The following ATP2B1 variants were observed in gnomAD, a reference collection of about 807,000 sequenced individuals.
ATP2B1 encodes the protein plasma membrane calcium-transporting ATPase 1.
Under a neutral mutation model 124.2 loss-of-function variants are expected in ATP2B1, and 14 were observed. The ratio of observed to expected loss-of-function variants is 0.11; its 90% CI spans 0.07 to 0.18. The LOEUF is 0.18. ATP2B1 is among the 10% of genes least tolerant of loss of function. The pLI is 1.00. For missense variants in ATP2B1, 763 were observed against 1,466.1 expected (o/e 0.52, Z 7.83); for synonymous variants, 449 against 492.4 (o/e 0.91, Z 1.17).
chr12:89,707,121 AAGC>A (rs1400574893), intron 1 of ATP2B1, among the ~76,000 whole-genome samples: 4 of 152,164 alleles, frequency 2.6e-5, no homozygotes, highest in East Asian at 1.9e-4. Context: ...CAAGTACAAA[AAGC>A]AGATTCTCCT....
In ATP2B1 at chr12:89,603,661, G is replaced by C; in HGVS notation, c.2848+51C>G. ...AACATTATAACATCTTGGATGATTA[G>C]CTTGGAAAAGAAACAATTAACTGAA... On this transcript the variant is annotated intron_variant, in intron 17 of 20. Transcript: ENST00000428670. This position sits in a 1 kb window ranked among gnomAD's most constrained non-coding sequence, Gnocchi z 4.3. 1.3e-6 allele frequency: 2 copies of C among 1,554,676 alleles called. No individual in the cohort carries two copies. The highest frequency in any genetic ancestry group is 2.7e-5 in the African/African-American group (2 of 73,638).
intron 2 of ATP2B1, among the ~76,000 whole-genome samples, chr12:89,653,588 C>T (rs1000712702): frequency 5.9e-5 from 9 of 152,130 alleles, no homozygotes; most frequent in Admixed American, 2.0e-4. Flanking sequence ...TGAGCCACCG[C>T]GCCCGGCCTC....
At chr12:89,700,367 T>G (rs1891695266) in intron 1 of ATP2B1, among the ~76,000 whole-genome samples, 1 of 152,176 alleles carries the variant, frequency 6.6e-6, no homozygotes, top group South Asian at 2.1e-4. Flanking sequence ...AACTCAGTAG[T>G]TCTCCGCTAT....
intron 1 of ATP2B1, among the ~76,000 whole-genome samples, chr12:89,683,668 C>T (rs537303606): frequency 6.6e-6 from 1 of 152,138 alleles, no homozygotes; most frequent in Non-Finnish European, 1.5e-5. Context: ...CAAGTCACCC[C>T]GATGTCCCCA....
intron 1 of ATP2B1, among the ~76,000 whole-genome samples, chr12:89,661,697 G>C (rs957498528): frequency 6.6e-6 from 1 of 151,914 alleles, no homozygotes; most frequent in Non-Finnish European, 1.5e-5. Context: ...TTTGACTACG[G>C]GCTTTCAAAA....
In ATP2B1 at chr12:89,623,220, C is replaced by T. The variant is rs1028039756; in HGVS notation, c.1344+963G>A. ...CTAATTAATTAATATTGCTCACTGT[C>T]AGCAGTGTTTCTTAAAGAGAACTAG... On this transcript the variant is annotated intron_variant, in intron 9 of 20. Transcript: ENST00000428670. Among the ~76,000 whole-genome samples the T allele has an allele frequency of 4.0e-5, 6 of 151,876 alleles. No individual in the cohort carries two copies. In the East Asian group the frequency reaches 1.2e-3, roughly 29 times the overall value.
chr12:89,641,691 A>G (rs1391891861), intron 3 of ATP2B1: 1 of 153,334 alleles, frequency 6.5e-6, no homozygotes, highest in African/African-American at 2.4e-5. Context: ...ATTTTCCATA[A>G]TGGCAAGGAA....
chr12:89,634,180 A>G (rs1882327487), intron 5 of ATP2B1, among the ~76,000 whole-genome samples: 1 of 152,128 alleles, frequency 6.6e-6, no homozygotes, highest in African/African-American at 2.4e-5. Flanking sequence ...CCAATCCCAG[A>G]ACATATCTTA....
At chr12:89,700,570 G>A (rs181157559) in intron 1 of ATP2B1, among the ~76,000 whole-genome samples, 1 of 152,296 alleles carries the variant, frequency 6.6e-6, no homozygotes, top group African/African-American at 2.4e-5. Flanking sequence ...ATATTAGCAA[G>A]GGAGAATGGA....
At chr12:89,610,732 T>C in intron 13 of ATP2B1, 1 of 486,574 alleles carries the variant, frequency 2.1e-6, no homozygotes, top group Non-Finnish European at 3.6e-6. Context: ...TCTTGCTAGG[T>C]GACTTTGATG....
rs775495602 is a variant in ATP2B1, at chr12:89,655,728, A to G, written c.159T>C (p.Tyr53=). ...TGGTGCAAATTCCATAGACATCTCCATAGCTTTCCTGTATTTTTCGTAATG... is the reference window on the plus strand; with the variant it reads ...TGGTGCAAATTCCATAGACATCTCCGTAGCTTTCCTGTATTTTTCGTAATG... ...TDALRKIQES[Y]GDVYGICTKL... is the part of the protein sequence containing the mutation. Residue 53 remains tyrosine, a synonymous_variant, in exon 2 of 21, where the codon TAT becomes TAC. Transcript: ENST00000428670. 1.9e-6 allele frequency: 3 copies of G among 1,614,190 alleles called. No individual in the cohort carries two copies. The highest frequency in any genetic ancestry group is 1.1e-5 in the South Asian group (1 of 91,084).
intron 20 of ATP2B1, among the ~76,000 whole-genome samples, chr12:89,591,917 G>A (rs964433304): frequency 5.3e-5 from 8 of 151,974 alleles, no homozygotes; most frequent in Admixed American, 5.3e-4. Flanking sequence ...TCTATCATTT[G>A]TCTATAAAGT....
intron 1 of ATP2B1, among the ~76,000 whole-genome samples, chr12:89,657,505 A>C (rs1005377938): frequency 6.6e-6 from 1 of 152,228 alleles, no homozygotes; most frequent in African/African-American, 2.4e-5. Flanking sequence ...ACTCCAAAAT[A>C]TTTTTAAAAT....
intron 3 of ATP2B1, among the ~76,000 whole-genome samples, chr12:89,639,559 A>G (rs1270852342): frequency 1.3e-5 from 2 of 149,552 alleles, no homozygotes; most frequent in African/African-American, 4.9e-5. Flanking sequence ...CTCAATATAC[A>G]TATTTTATTT....
Position 89,700,006 on chromosome 12 carries a change from G to T in ATP2B1, c.-222+8590C>A, listed in dbSNP as rs533125260. On this transcript the variant is annotated intron_variant, in intron 1 of 20. Coordinates refer to ENST00000428670, the MANE Select transcript of ATP2B1 (RefSeq NM_001366521.1). ...ACTACAGGTACACGACACCATGCCT[G>T]GCTAAATTTTTTTTTTTTTTTTTTT... Among the ~76,000 whole-genome samples, 38 of 148,550 alleles carry T rather than the reference G, an allele frequency of 2.6e-4. No individual in the cohort carries two copies. The Middle Eastern group carries it at 0.01, about 40-fold the overall frequency.
intron 8 of ATP2B1, 55 bp from the exon 9 acceptor site, chr12:89,624,452 C>T (rs1226068604): frequency 5.7e-6 from 8 of 1,401,576 alleles, no homozygotes; most frequent in Non-Finnish European, 7.9e-6. Flanking sequence ...AGACACTAAC[C>T]CTTGCCAGAT....
intron 2 of ATP2B1, among the ~76,000 whole-genome samples, chr12:89,648,617 T>C (rs565997376): frequency 1.3e-5 from 2 of 152,306 alleles, no homozygotes; most frequent in East Asian, 3.9e-4. Context: ...AGCCTGGACC[T>C]GTGGTAGAGA....
intron 3 of ATP2B1, among the ~76,000 whole-genome samples, chr12:89,638,732 G>A (rs1883065931): frequency 6.6e-6 from 1 of 152,100 alleles, no homozygotes; most frequent in Non-Finnish European, 1.5e-5. Flanking sequence ...CAGTATGATT[G>A]ATAAAACTGC....
At chr12:89,656,326 A>G (rs1405797132) in intron 1 of ATP2B1, among the ~76,000 whole-genome samples, 1 of 152,254 alleles carries the variant, frequency 6.6e-6, no homozygotes, top group Non-Finnish European at 1.5e-5. Flanking sequence ...AGATTACATT[A>G]TTAAATAAAA....
Sources: allele counts gnomAD v4.1 joint callset (sites outside exome capture counted in the v4.1 genomes callset), GRCh38; gene constraint gnomAD v4.1.1; non-coding constraint Gnocchi (gnomAD v3.1); transcripts MANE v1.5; gene names NCBI Gene and HGNC (gene_info 2026-07-23, HGNC 2026-07-21).